LRP2: variants seen among roughly 807,000 people sequenced by gnomAD.
LRP2 encodes low-density lipoprotein receptor-related protein 2.
LRP2 carries 172 observed loss-of-function variants against 531.0 expected under a neutral mutation model. The observed-to-expected ratio is 0.32, with a 90% CI of 0.29 to 0.37. The LOEUF (loss-of-function observed/expected upper bound fraction) is 0.37, where lower values mean the gene tolerates loss of function less well. Ranked by LOEUF, LRP2 falls within the 10% of genes least tolerant of loss-of-function variation. The probability of loss-of-function intolerance (pLI) is 1.00; values close to 1 mark genes in which losing one functional copy is unlikely to be tolerated. For missense variants in LRP2, 5,167 were observed against 5,868.3 expected (o/e 0.88, Z 3.90); for synonymous variants, 1,992 against 2,027.6 (o/e 0.98, Z 0.47).
intron 1 of LRP2, among the ~76,000 whole-genome samples, chr2:169,361,234 G>C (rs567138012): frequency 1.3e-5 from 2 of 152,120 alleles, no homozygotes; most frequent in South Asian, 4.2e-4. Flanking sequence ...CTGCTACCTA[G>C]CAACGCAAAG....
intron 3 of LRP2, among the ~76,000 whole-genome samples, chr2:169,315,804 T>G (rs1199286896): frequency 6.6e-6 from 1 of 151,558 alleles, no homozygotes; most frequent in African/African-American, 2.4e-5. Flanking sequence ...GACACCCAAA[T>G]GAGAGATGTT....
At position 169,220,575 on chromosome 2, in the gene LRP2, A is replaced by G. The variant is rs1161896372; in HGVS notation, c.5539-12T>C. 6.4e-6 allele frequency: 10 copies of G among 1,569,172 alleles called. No homozygotes were observed. Among genetic ancestry groups the G allele is most frequent in the Non-Finnish European group, 8.8e-6 (10 of 1,140,734 alleles). ...TGGAGTGTCAAAACCTATAGCATAA[A>G]ATCACTTATTAGAACTGACTTTCAT... On this transcript the variant is annotated splice_polypyrimidine_tract_variant and intron_variant, in intron 33 of 78. Transcript: ENST00000649046.
At chr2:169,218,885 G>A (rs536706800) in intron 34 of LRP2, among the ~76,000 whole-genome samples, 3 of 152,214 alleles carry the variant, frequency 2.0e-5, no homozygotes, top group East Asian at 1.9e-4. Flanking sequence ...GAATGACTAC[G>A]TAGAGTAGAG....
At chr2:169,155,568 T>C (rs1312358190) in intron 65 of LRP2, among the ~76,000 whole-genome samples, 1 of 152,214 alleles carries the variant, frequency 6.6e-6, no homozygotes, top group African/African-American at 2.4e-5. Context: ...CCTTAAACTC[T>C]AGTACAAACT....
intron 19 of LRP2, among the ~76,000 whole-genome samples, chr2:169,255,780 G>A (rs545938072): frequency 2.4e-4 from 37 of 152,230 alleles, no homozygotes; most frequent in African/African-American, 8.9e-4. Flanking sequence ...AATGAAGGCA[G>A]TAATTTACTG....
In LRP2 at chr2:169,199,754, C is replaced by T. The variant is rs114652122; in HGVS notation, c.8453-843G>A. Among the ~76,000 whole-genome samples, 290 of 152,180 alleles carry T rather than the reference C, an allele frequency of 1.9e-3. 1 individual carries two copies. Among genetic ancestry groups the T allele is most frequent in the Non-Finnish European group, 3.5e-3 (239 of 68,020 alleles). ...ATAATCTAAAAAGCAAGAAGAATCT[C>T]GCACTTAGTAGACTTATTGTTAATA... On this transcript the variant is annotated intron_variant, in intron 44 of 78. Transcript: ENST00000649046.
intron 34 of LRP2, among the ~76,000 whole-genome samples, chr2:169,218,410 T>G (rs1264101862): frequency 6.6e-6 from 1 of 152,192 alleles, no homozygotes; most frequent in African/African-American, 2.4e-5. Context: ...ATGTCACCTC[T>G]TTATAGCACT....
chr2:169,177,341 A>G (rs1687232944), intron 53 of LRP2, among the ~76,000 whole-genome samples: 1 of 152,184 alleles, frequency 6.6e-6, no homozygotes, highest in East Asian at 1.9e-4. Flanking sequence ...AAAAAACACT[A>G]AAACGCACTG....
chr2:169,198,664 T>G, intron 45 of LRP2, 122 bp downstream of exon 45: 1 of 1,184,688 alleles, frequency 8.4e-7, no homozygotes, highest in Non-Finnish European at 1.2e-6. Context: ...CCACCTCTAC[T>G]TAGAAGGTCA....
Position 169,362,455 on chromosome 2 carries a change from C to T in LRP2, c.-56G>A. ...TTCCCCGGGAGGTGGGCGCGCGTAGCACACCGCACCGGCAGCGCCTCTGCT... is the reference window on the plus strand; with the variant it reads ...TTCCCCGGGAGGTGGGCGCGCGTAGTACACCGCACCGGCAGCGCCTCTGCT... On this transcript the variant is annotated 5_prime_UTR_variant, in exon 1 of 79. Coordinates refer to ENST00000649046, the MANE Select transcript of LRP2 (RefSeq NM_004525.3). The T allele has an allele frequency of 7.0e-7, 1 of 1,425,120 alleles. No individual in the cohort carries two copies. The highest frequency in any genetic ancestry group is 9.6e-7 in the Non-Finnish European group (1 of 1,042,150). 88.3% of individuals were successfully genotyped at this position (1,425,120 alleles called of 1,614,324 possible). A position where few individuals can be genotyped will look rare whatever the true frequency, so the allele number is the denominator to read the frequency against.
intron 58 of LRP2, among the ~76,000 whole-genome samples, chr2:169,171,443 C>T (rs1244100392): frequency 6.6e-6 from 1 of 152,130 alleles, no homozygotes; most frequent in Non-Finnish European, 1.5e-5. Context: ...CCTCAACCTC[C>T]CTATCCAATG....
At chr2:169,129,802 T>G (rs755610779) in intron 77 of LRP2, among the ~76,000 whole-genome samples, 1 of 152,216 alleles carries the variant, frequency 6.6e-6, no homozygotes, top group Non-Finnish European at 1.5e-5. Flanking sequence ...ATAATCACCC[T>G]GGACCATGGT....
chr2:169,237,075 G>A lies in LRP2; in HGVS notation c.4691+28C>T, dbSNP rs1471400909. 5 of 1,579,184 alleles carry A rather than the reference G, an allele frequency of 3.2e-6. No individual in the cohort carries two copies. The African/African-American group carries it at 5.4e-5, about 17-fold the overall frequency. On this transcript the variant is annotated intron_variant, in intron 28 of 78. Coordinates refer to ENST00000649046, the MANE Select transcript of LRP2 (RefSeq NM_004525.3). ...TTTCCCTCATCATAACCATGTCAAG[G>A]CAACATAATTTTAAAAAAAAGTCTT... is the stretch of plus-strand genomic sequence containing the variant.
chr2:169,171,656 C>T (rs972017030), intron 58 of LRP2, among the ~76,000 whole-genome samples: 1 of 152,190 alleles, frequency 6.6e-6, no homozygotes, highest in African/African-American at 2.4e-5. Flanking sequence ...CCCTCTACTT[C>T]TCTGGTCCTG....
intron 1 of LRP2, among the ~76,000 whole-genome samples, chr2:169,327,216 C>G (rs1236169313): frequency 1.6e-5 from 2 of 121,790 alleles, no homozygotes; most frequent in African/African-American, 3.5e-5. Flanking sequence ...CCAGCCGCCC[C>G]ATCCGGGAGG....
At chr2:169,195,740 A>G (rs1047249049) in intron 46 of LRP2, among the ~76,000 whole-genome samples, 1 of 152,160 alleles carries the variant, frequency 6.6e-6, no homozygotes, top group Non-Finnish European at 1.5e-5. Flanking sequence ...TTTCCTTTAC[A>G]GGTCCTCAAA....
chr2:169,291,210 G>A lies in LRP2; in HGVS notation c.770-213C>T, dbSNP rs199826901. On this transcript the variant is annotated intron_variant, in intron 7 of 78. Coordinates refer to ENST00000649046, the MANE Select transcript of LRP2 (RefSeq NM_004525.3). The stretch of plus-strand genomic sequence containing the variant: ...TAATGGAATTACTCCACTTTTCCTG[G>A]AAAAGGCAGCCCCCAGTAGGGTTAT... Among the ~76,000 whole-genome samples the A allele has an allele frequency of 4.1e-4, 63 of 152,274 alleles. No homozygotes were observed. In the East Asian group the frequency reaches 5.2e-3, roughly 13 times the overall value.
At chr2:169,301,118 G>A (rs562050083) in intron 4 of LRP2, among the ~76,000 whole-genome samples, 1 of 152,118 alleles carries the variant, frequency 6.6e-6, no homozygotes, top group Non-Finnish European at 1.5e-5. Context: ...GCATTCCTAA[G>A]TAACAAAAGA....
chr2:169,221,464 T>C (rs1688993019), intron 33 of LRP2, among the ~76,000 whole-genome samples: 2 of 152,188 alleles, frequency 1.3e-5, no homozygotes, highest in Admixed American at 1.3e-4. Flanking sequence ...ATACAGCACA[T>C]AGAAATATAG....
Sources: gnomAD v4.1 joint callset for allele counts (sites outside exome capture counted in the v4.1 genomes callset) on GRCh38, gnomAD v4.1.1 for gene constraint, MANE v1.5 for transcripts, NCBI Gene and HGNC (gene_info 2026-07-23, HGNC 2026-07-21) for gene names.